Variants in CDC37L1 observed in about 807,000 individuals in gnomAD.
CDC37L1 encodes hsp90 co-chaperone Cdc37-like 1.
A neutral mutation model predicts 45.9 loss-of-function variants in CDC37L1; 32 were observed. That is an observed-to-expected ratio of 0.70 (90% CI 0.53 to 0.94). CDC37L1 has a LOEUF of 0.94. Ranked by LOEUF, CDC37L1 falls within the 40% of genes least tolerant of loss-of-function variation. CDC37L1 has a pLI of 0.00. For missense variants in CDC37L1, 434 were observed against 405.7 expected, an observed-to-expected ratio of 1.07 and a Z score of -0.60; for synonymous variants, 150 against 133.0, an observed-to-expected ratio of 1.13 and a Z score of -0.88.
intron 3 of CDC37L1, among the ~76,000 whole-genome samples, chr9:4,689,825 C>A (rs1841285128): frequency 6.6e-6 from 1 of 152,112 alleles, no homozygotes; most frequent in Admixed American, 6.6e-5. Context: ...GCTTTCTAGG[C>A]CCATGTTTTG....
At chr9:4,702,141 G>T in intron 6 of CDC37L1, 113 bp downstream of exon 6, 1 of 482,210 alleles carries the variant, frequency 2.1e-6, no homozygotes, top group South Asian at 4.9e-5. Context: ...AAATATTCCT[G>T]CCTCAGAAGA....
chr9:4,693,325 C>A (rs1841318123), intron 3 of CDC37L1, among the ~76,000 whole-genome samples: 3 of 151,730 alleles, frequency 2.0e-5, no homozygotes, highest in Non-Finnish European at 4.4e-5. Flanking sequence ...TACCTGTAGT[C>A]CCAGCTACTG....
At chr9:4,691,216 G>C (rs982545940) in intron 3 of CDC37L1, among the ~76,000 whole-genome samples, 10 of 152,280 alleles carry the variant, frequency 6.6e-5, no homozygotes, top group African/African-American at 1.9e-4. Flanking sequence ...TGCAGGATGT[G>C]CAGGTTTGTT....
intron 1 of CDC37L1, among the ~76,000 whole-genome samples, chr9:4,680,376 C>T (rs1372317311): frequency 6.6e-6 from 1 of 152,218 alleles, no homozygotes; most frequent in Non-Finnish European, 1.5e-5. Context: ...GCGATTTTCA[C>T]CGATGTTGAC....
intron 2 of CDC37L1, among the ~76,000 whole-genome samples, chr9:4,686,560 G>T (rs940058825): frequency 6.6e-6 from 1 of 152,132 alleles, no homozygotes; most frequent in Non-Finnish European, 1.5e-5. Context: ...TAAAGTTAAT[G>T]TCTCTTCTTT....
At position 4,679,836 on chromosome 9, in the gene CDC37L1, G is replaced by C. The variant is rs146915614; in HGVS notation, c.69G>C (p.Glu23Asp). 1.2e-6 allele frequency: 2 copies of C among 1,613,896 alleles called. No individual in the cohort carries two copies. The highest frequency in any genetic ancestry group is 1.7e-6 in the Non-Finnish European group (2 of 1,179,984). ...GGGCCGAGGGTGAGGCTGAGGAAGA[G>C]AGTGACTTCGACGTGTTCCCCAGTT... is the stretch of plus-strand genomic sequence containing the variant. ...LPRAEGEAEE[E>D]SDFDVFPSSP... The change falls in exon 1 of 7, where the codon GAG (glutamate) becomes GAC (aspartate). Residue 23 changes from glutamate (E) to aspartate (D), a missense_variant. By Grantham distance (45) the Glu-to-Asp change is conservative. Coordinates refer to ENST00000381854, the MANE Select transcript of CDC37L1 (RefSeq NM_017913.4).
At chr9:4,699,089 C>T (rs1303361293) in intron 5 of CDC37L1, among the ~76,000 whole-genome samples, 2 of 152,078 alleles carry the variant, frequency 1.3e-5, no homozygotes, top group Non-Finnish European at 2.9e-5. Flanking sequence ...TCTTTAGGGT[C>T]CTCAATAATT....
intron 4 of CDC37L1, among the ~76,000 whole-genome samples, chr9:4,697,549 T>G (rs1465785411): frequency 6.6e-6 from 1 of 152,036 alleles, no homozygotes; most frequent in South Asian, 2.1e-4. Flanking sequence ...TAAATCAAGT[T>G]CAGAGCATGG....
intron 2 of CDC37L1, among the ~76,000 whole-genome samples, chr9:4,686,148 G>A (rs1194888418): frequency 6.6e-6 from 1 of 152,132 alleles, no homozygotes; most frequent in Non-Finnish European, 1.5e-5. Context: ...TCCAGCCTGG[G>A]CAACAGTGAA....
intron 2 of CDC37L1, among the ~76,000 whole-genome samples, chr9:4,687,815 C>T (rs994465301): frequency 1.3e-5 from 2 of 151,644 alleles, no homozygotes; most frequent in Non-Finnish European, 2.9e-5. Flanking sequence ...AGCAAGAACT[C>T]GAAAGATTAG....
intron 3 of CDC37L1, among the ~76,000 whole-genome samples, chr9:4,690,349 T>A (rs1199576178): frequency 6.6e-6 from 1 of 152,128 alleles, no homozygotes; most frequent in African/African-American, 2.4e-5. Flanking sequence ...TGAGATGAAG[T>A]GGGACCAGGG....
chr9:4,682,329 ATT>A (rs1313029477), intron 1 of CDC37L1, among the ~76,000 whole-genome samples: 5 of 92,840 alleles, frequency 5.4e-5, no homozygotes, highest in Non-Finnish European at 3.9e-5. Flanking sequence ...TGCCCAGCTA[ATT>A]TTTTTTTTTT....
rs1015989836 is a variant in CDC37L1 at position 4,708,215 on chromosome 9, G to A, written c.*2103G>A. On this transcript the variant is annotated 3_prime_UTR_variant, in exon 7 of 7. Transcript: ENST00000381854. Reference sequence around the variant, plus strand: ...TTCCTACCTTTTTTTTGTTTCTGAAGAAATAAAGAGTATATTAAGCAAAGG... The same window carrying A: ...TTCCTACCTTTTTTTTGTTTCTGAAAAAATAAAGAGTATATTAAGCAAAGG... The A allele has an allele frequency of 6.6e-6, 1 of 152,010 alleles. No homozygotes were observed. The highest frequency in any genetic ancestry group is 2.4e-5 in the African/African-American group (1 of 41,394). The allele number at this position is 152,010 out of a possible 1,614,324, so 9.4% of individuals were successfully genotyped here. A position where few individuals can be genotyped will look rare whatever the true frequency, so the allele number is the denominator to read the frequency against.
intron 5 of CDC37L1, among the ~76,000 whole-genome samples, chr9:4,698,658 C>T (rs1320422670): frequency 6.6e-6 from 1 of 152,034 alleles, no homozygotes; most frequent in Non-Finnish European, 1.5e-5. Context: ...CAGAAATTCT[C>T]CTAGGTGTAT....
intron 6 of CDC37L1, among the ~76,000 whole-genome samples, chr9:4,702,849 A>G (rs1282556758): frequency 2.1e-5 from 3 of 141,096 alleles, no homozygotes; most frequent in Middle Eastern, 3.9e-3. Context: ...AGATCGAGCC[A>G]CTGCACTCCA....
chr9:4,701,296 AT>A (rs1283634382), intron 5 of CDC37L1, among the ~76,000 whole-genome samples: 1 of 152,166 alleles, frequency 6.6e-6, no homozygotes, highest in East Asian at 1.9e-4. Context: ...TCTTTCCATA[AT>A]ATTGAAAAGA....
chr9:4,681,350 T>C (rs1563766178), intron 1 of CDC37L1, among the ~76,000 whole-genome samples: 1 of 152,220 alleles, frequency 6.6e-6, no homozygotes, highest in Non-Finnish European at 1.5e-5. Flanking sequence ...CCTGAGGCCA[T>C]GTAACTAGTT....
chr9:4,701,834 A>C (rs371958633), intron 5 of CDC37L1, 30 bp from the exon 6 acceptor site: 5 of 1,487,452 alleles, frequency 3.4e-6, no homozygotes, highest in Non-Finnish European at 4.5e-6. Context: ...TGAAGAACAC[A>C]GTCTTTGTTT....
intron 6 of CDC37L1, among the ~76,000 whole-genome samples, chr9:4,704,302 T>C (rs1841424323): frequency 6.6e-6 from 1 of 152,360 alleles, no homozygotes; most frequent in African/African-American, 2.4e-5. Context: ...GAATCTAATA[T>C]TCTACTTTTG....
Sources: gnomAD v4.1 joint callset for allele counts (sites outside exome capture counted in the v4.1 genomes callset) on GRCh38, gnomAD v4.1.1 for gene constraint, MANE v1.5 for transcripts, NCBI Gene and HGNC (gene_info 2026-07-23, HGNC 2026-07-21) for gene names.